The following IPO11 variants were observed in gnomAD, a reference collection of about 807,000 sequenced individuals.
IPO11 encodes importin 11.
IPO11 carries 66 observed loss-of-function variants against 143.2 expected under a neutral mutation model. The observed-to-expected ratio is 0.46, with a 90% CI of 0.38 to 0.57. The LOEUF (loss-of-function observed/expected upper bound fraction) is 0.57, where lower values mean the gene tolerates loss of function less well. Among genes scored for constraint, IPO11 ranks in the 20% least tolerant of loss-of-function variants. The pLI is 0.00. For synonymous variants in IPO11, 385 were observed against 377.8 expected (o/e 1.02, Z -0.22); for missense variants, 1,026 against 1,141.0 (o/e 0.90, Z 1.45).
intron 27 of IPO11, among the ~76,000 whole-genome samples, chr5:62,568,361 T>C (rs1038738121): frequency 6.6e-6 from 1 of 151,412 alleles, no homozygotes; most frequent in African/African-American, 2.4e-5. Context: ...TTTTTCAGTT[T>C]GTCCATTGTA....
At chr5:62,602,149 C>A (rs769336589) in intron 29 of IPO11, among the ~76,000 whole-genome samples, 19 of 151,988 alleles carry the variant, frequency 1.3e-4, no homozygotes, top group Non-Finnish European at 2.2e-4. Flanking sequence ...AATGTTTATT[C>A]TTCTGTTTTG....
At chr5:62,476,858 A>G in intron 9 of IPO11, 105 bp downstream of exon 9, 1 of 1,227,810 alleles carries the variant, frequency 8.1e-7, no homozygotes, top group South Asian at 2.0e-5. Context: ...AGTGTAAGGA[A>G]ACCTATGTTC....
intron 20 of IPO11, among the ~76,000 whole-genome samples, chr5:62,524,986 T>C (rs1384610675): frequency 1.3e-5 from 2 of 152,238 alleles, no homozygotes; most frequent in Admixed American, 6.5e-5. Flanking sequence ...AAATACCTAC[T>C]GTGTAATACA....
chr5:62,489,064 A>G (rs1053158449), intron 13 of IPO11, among the ~76,000 whole-genome samples: 21 of 152,208 alleles, frequency 1.4e-4, no homozygotes, highest in Non-Finnish European at 2.6e-4. Context: ...TATATTTTCT[A>G]GAATATTGCT....
At chr5:62,529,254 A>G (rs1742463580) in intron 21 of IPO11, among the ~76,000 whole-genome samples, 2 of 152,106 alleles carry the variant, frequency 1.3e-5, no homozygotes, top group African/African-American at 4.8e-5. Flanking sequence ...GGTAGTAATG[A>G]ATACTGGTAA....
chr5:62,626,878 C>A (rs1746600674), intron 29 of IPO11, among the ~76,000 whole-genome samples: 3 of 152,110 alleles, frequency 2.0e-5, no homozygotes, highest in Admixed American at 6.5e-5. Flanking sequence ...TTCTACTAGG[C>A]TTTGATGCTT....
chr5:62,547,576 T>C (rs1188831199), intron 24 of IPO11, among the ~76,000 whole-genome samples: 1 of 152,170 alleles, frequency 6.6e-6, no homozygotes, highest in Non-Finnish European at 1.5e-5. Context: ...AACTCTCATC[T>C]TCTCTAGCTA....
At chr5:62,489,428 G>T in intron 14 of IPO11, 79 bp downstream of exon 14, 1 of 1,001,750 alleles carries the variant, frequency 1.0e-6, no homozygotes. Flanking sequence ...ATTTTGTGCT[G>T]AGGGTGTTGA....
chr5:62,499,065 G>A (rs1349993490), intron 16 of IPO11, among the ~76,000 whole-genome samples: 1 of 152,150 alleles, frequency 6.6e-6, no homozygotes, highest in African/African-American at 2.4e-5. Context: ...GCAAAGAAAT[G>A]GCCGTCTTCA....
At position 62,449,916 on chromosome 5, in the gene IPO11, T is replaced by C. The variant is rs557971047; in HGVS notation, c.240-11T>C. ...TTCTTTTGCATAATCAATACTTTTT[T>C]TTTTTTACAGTGCTCTCTCAGAGGA... On this transcript the variant is annotated splice_polypyrimidine_tract_variant and intron_variant, in intron 3 of 29. Coordinates refer to ENST00000325324, the MANE Select transcript of IPO11 (RefSeq NM_016338.5). The C allele has an allele frequency of 8.0e-4, 1,233 of 1,548,102 alleles. 21 individuals are homozygous for C. The African/African-American group carries it at 0.015, about 19-fold the overall frequency.
At chr5:62,466,245 G>T (rs779907893) in intron 5 of IPO11, among the ~76,000 whole-genome samples, 1 of 152,140 alleles carries the variant, frequency 6.6e-6, no homozygotes, top group Non-Finnish European at 1.5e-5. Flanking sequence ...TGCCCTGGGG[G>T]ATATGGTGAA....
chr5:62,446,003 G>A (rs1744706540), intron 3 of IPO11, among the ~76,000 whole-genome samples: 1 of 152,170 alleles, frequency 6.6e-6, no homozygotes, highest in Non-Finnish European at 1.5e-5. Flanking sequence ...AACACATTAT[G>A]TCAGGGGTTT....
At position 62,483,970 on chromosome 5, in the gene IPO11, G is replaced by A. The variant is rs1201306547; in HGVS notation, c.1022-40G>A. 3.3e-6 allele frequency: 5 copies of A among 1,536,184 alleles called. No homozygotes were observed. In the East Asian group the frequency reaches 9.4e-5, roughly 29 times the overall value. ...TTACATAATCCAATGTAGCTACAAT[G>A]TTTGGCTATACAATTAACTTGGAAA... On this transcript the variant is annotated intron_variant, in intron 10 of 29. Transcript: ENST00000325324.
chr5:62,579,219 A>T (rs905972110), intron 27 of IPO11, among the ~76,000 whole-genome samples: 1 of 152,070 alleles, frequency 6.6e-6, no homozygotes, highest in African/African-American at 2.4e-5. Context: ...TAATGGCCTG[A>T]TCATGTTAAT....
intron 27 of IPO11, among the ~76,000 whole-genome samples, chr5:62,586,768 A>AAT (rs56808416): frequency 0.013 from 378 of 28,898 alleles, 10 homozygotes; most frequent in Middle Eastern, 0.04. Context: ...AAAAAAAAAA[A>AAT]ATATATATAT....
intron 2 of IPO11, among the ~76,000 whole-genome samples, chr5:62,440,349 C>CTTTT (rs747340732): frequency 4.5e-5 from 6 of 132,156 alleles, no homozygotes; most frequent in African/African-American, 1.1e-4. Flanking sequence ...TGTACGTCCC[C>CTTTT]TTTTTTTTTT....
intron 5 of IPO11, among the ~76,000 whole-genome samples, chr5:62,457,493 T>C (rs1745205549): frequency 6.6e-6 from 1 of 152,170 alleles, no homozygotes; most frequent in African/African-American, 2.4e-5. Flanking sequence ...ATAATAATAG[T>C]GTTTCTGCTA....
At chr5:62,436,145 C>A (rs1744224741) in intron 1 of IPO11, among the ~76,000 whole-genome samples, 1 of 152,092 alleles carries the variant, frequency 6.6e-6, no homozygotes, top group Non-Finnish European at 1.5e-5. Context: ...TTTTGATTAG[C>A]CCTGCTTTAC....
intron 3 of IPO11, among the ~76,000 whole-genome samples, chr5:62,448,200 G>A (rs1186780932): frequency 2.0e-5 from 3 of 151,652 alleles, no homozygotes; most frequent in African/African-American, 7.3e-5. Flanking sequence ...CTGATAACAA[G>A]ATAGCTACTA....
Sources: allele counts gnomAD v4.1 joint callset (sites outside exome capture counted in the v4.1 genomes callset), GRCh38; gene constraint gnomAD v4.1.1; transcripts MANE v1.5; gene names NCBI Gene and HGNC (gene_info 2026-07-23, HGNC 2026-07-21).